Variants in DNM3 observed in about 807,000 individuals in gnomAD.
The protein encoded by DNM3 is dynamin-3.
In DNM3, 47 loss-of-function variants were observed where a neutral mutation model predicts 101.6. The ratio of observed to expected loss-of-function variants is 0.46; its 90% confidence interval spans 0.37 to 0.59. The LOEUF (loss-of-function observed/expected upper bound fraction) is 0.59, where lower values mean the gene tolerates loss of function less well. Ranked by LOEUF, DNM3 falls within the 20% of genes least tolerant of loss-of-function variation. The probability of loss-of-function intolerance (pLI) is 0.00; values close to 1 mark genes in which losing one functional copy is unlikely to be tolerated. For synonymous variants in DNM3, 385 were observed against 387.9 expected, an observed-to-expected ratio of 0.99 and a Z score of 0.09; for missense variants, 849 against 1,085.7, an observed-to-expected ratio of 0.78 and a Z score of 3.06.
At chr1:172,333,630 GAGGTAAAA>G (rs532237622) in intron 17 of DNM3, among the ~76,000 whole-genome samples, 140 of 152,104 alleles carry the variant, frequency 9.2e-4, no homozygotes, top group African/African-American at 3.3e-3. Flanking sequence ...TCTTAATCCA[GAGGTAAAA>G]AGGAATTTTT....
intron 2 of DNM3, among the ~76,000 whole-genome samples, chr1:171,969,880 A>C (rs1250396378): frequency 6.6e-6 from 1 of 152,220 alleles, no homozygotes; most frequent in Non-Finnish European, 1.5e-5. Context: ...CAGAGAAGTT[A>C]CAGTTTACCC....
At chr1:172,027,488 G>A (rs2048290649) in intron 4 of DNM3, among the ~76,000 whole-genome samples, 1 of 152,050 alleles carries the variant, frequency 6.6e-6, no homozygotes, top group African/African-American at 2.4e-5. Flanking sequence ...GGCTCAGGCA[G>A]GAGAATCGCT....
chr1:172,408,184 G>C lies in DNM3; in HGVS notation c.*343G>C. On this transcript the variant is annotated 3_prime_UTR_variant, in exon 21 of 21. Transcript: ENST00000627582. The stretch of plus-strand genomic sequence containing the variant: ...CTATCTACCAGGTAGCTCATTAAAC[G>C]TAATTCTTCAGATATGAGATAGTGG... The C allele has an allele frequency of 1.9e-6, 2 of 1,076,778 alleles. No individual in the cohort carries two copies. 66.7% of individuals were successfully genotyped at this position (1,076,778 alleles called of 1,614,324 possible).
chr1:172,074,472 C>G (rs1431575572), intron 11 of DNM3, among the ~76,000 whole-genome samples: 2 of 152,084 alleles, frequency 1.3e-5, no homozygotes, highest in African/African-American at 2.4e-5. Context: ...CCTAGCCCCC[C>G]ACCCCCACAA....
intron 2 of DNM3, among the ~76,000 whole-genome samples, chr1:171,959,531 A>G (rs566233473): frequency 6.6e-6 from 1 of 152,320 alleles, no homozygotes; most frequent in South Asian, 2.1e-4. Context: ...CTACATATGC[A>G]GATTTGTAAG....
At position 172,175,101 on chromosome 1, in the gene DNM3, A is replaced by C. The variant is rs371804794; in HGVS notation, c.1659+43813A>C. Among the ~76,000 whole-genome samples, 5 of 151,744 alleles carry C rather than the reference A, an allele frequency of 3.3e-5. No homozygotes were observed. The South Asian group carries it at 1.0e-3, about 31-fold the overall frequency. ...AACAGTTTACCAATCTAATGGCCAT[A>C]TACCCTCTCCTGACTTTAGCCAGGC... On this transcript the variant is annotated intron_variant, in intron 14 of 20. Transcript: ENST00000627582.
chr1:171,988,210 T>C (rs919243137), intron 3 of DNM3, among the ~76,000 whole-genome samples: 4 of 152,140 alleles, frequency 2.6e-5, no homozygotes, highest in African/African-American at 7.2e-5. Context: ...TCTGACTTTT[T>C]CCCCCAGACT....
chr1:172,171,785 T>C (rs761688608), intron 14 of DNM3, among the ~76,000 whole-genome samples: 3 of 151,788 alleles, frequency 2.0e-5, no homozygotes, highest in Non-Finnish European at 4.4e-5. Flanking sequence ...TTATCTTCAG[T>C]AGTGCTAATT....
chr1:172,122,636 A>G (rs2056390946), intron 13 of DNM3, among the ~76,000 whole-genome samples: 1 of 152,190 alleles, frequency 6.6e-6, no homozygotes, highest in South Asian at 2.1e-4. Flanking sequence ...CTGTTAGGAA[A>G]ATGGATTGCT....
chr1:172,114,256 G>A lies in DNM3; in HGVS notation c.1546-16919G>A, dbSNP rs538277708. On this transcript the variant is annotated intron_variant, in intron 13 of 20. Coordinates refer to ENST00000627582, the MANE Select transcript of DNM3 (RefSeq NM_015569.5). The stretch of plus-strand genomic sequence containing the variant: ...TGGCTAACCATGCAAAGGTCAGAAG[G>A]TAGAGTCTTGCCAGAAGGTACAGCA... 1.1e-4 allele frequency among the ~76,000 whole-genome samples: 16 copies of A among 152,322 alleles called. No homozygotes were observed. The East Asian group carries it at 3.1e-3, about 29-fold the overall frequency.
chr1:171,939,146 C>T (rs2041651481), intron 2 of DNM3, among the ~76,000 whole-genome samples: 1 of 151,814 alleles, frequency 6.6e-6, no homozygotes. Context: ...AATTATGTAC[C>T]TTCCAATATT....
chr1:172,175,707 A>C (rs1053955642), intron 14 of DNM3, among the ~76,000 whole-genome samples: 1 of 151,782 alleles, frequency 6.6e-6, no homozygotes, highest in African/African-American at 2.4e-5. Context: ...TATTATAACA[A>C]ATTTCACACG....
In DNM3 at chr1:172,408,173, G is replaced by A; in HGVS notation, c.*332G>A. ...AGTTTTCTAGGCTATCTACCAGGTA[G>A]CTCATTAAACGTAATTCTTCAGATA... On this transcript the variant is annotated 3_prime_UTR_variant, in exon 21 of 21. Transcript: ENST00000627582. 1 of 1,100,080 alleles carries A rather than the reference G, an allele frequency of 9.1e-7. No individual in the cohort carries two copies. Among genetic ancestry groups the A allele is most frequent in the Non-Finnish European group, 1.1e-6 (1 of 900,016 alleles). The allele number at this position is 1,100,080 out of a possible 1,614,324, so 68.1% of individuals were successfully genotyped here.
intron 11 of DNM3, among the ~76,000 whole-genome samples, chr1:172,079,731 C>A (rs530134617): frequency 6.6e-6 from 1 of 152,250 alleles, no homozygotes; most frequent in South Asian, 2.1e-4. Context: ...AGCCTTTTTG[C>A]ACTGTTTTTT....
intron 14 of DNM3, chr1:172,140,027 A>G (rs2057482777): frequency 1.3e-5 from 2 of 152,082 alleles, no homozygotes. Context: ...GTATTGTCCA[A>G]GGATTGTATA....
At chr1:171,911,231 C>G (rs1037412550) in intron 1 of DNM3, among the ~76,000 whole-genome samples, 16 of 142,702 alleles carry the variant, frequency 1.1e-4, no homozygotes, top group African/African-American at 4.1e-4. Context: ...GCAACCTACA[C>G]TTTTTTGGCT....
intron 17 of DNM3, among the ~76,000 whole-genome samples, chr1:172,370,728 A>G (rs1403995103): frequency 6.6e-6 from 1 of 152,006 alleles, no homozygotes; most frequent in Non-Finnish European, 1.5e-5. Context: ...CCAAGACTCC[A>G]GAGTTAGTAA....
At chr1:172,141,988 C>T (rs1260030785) in intron 14 of DNM3, 1 of 152,060 alleles carries the variant, frequency 6.6e-6, no homozygotes, top group Non-Finnish European at 1.5e-5. Flanking sequence ...TGGAAAAGTC[C>T]TTTTAACCCA....
intron 2 of DNM3, among the ~76,000 whole-genome samples, chr1:171,984,853 AACAAGAC>A (rs1160769254): frequency 2.0e-5 from 3 of 152,236 alleles, no homozygotes; most frequent in Admixed American, 6.5e-5. Context: ...CACTATTCTC[AACAAGAC>A]ACTGCAAATT....
Sources: gnomAD v4.1 joint callset for allele counts (sites outside exome capture counted in the v4.1 genomes callset) on GRCh38, gnomAD v4.1.1 for gene constraint, MANE v1.5 for transcripts, NCBI Gene and HGNC (gene_info 2026-07-23, HGNC 2026-07-21) for gene names.